TMEM108: variants seen among roughly 807,000 people sequenced by gnomAD.
The protein encoded by TMEM108 is cancer/testis antigen 124.
A neutral mutation model predicts 35.1 loss-of-function variants in TMEM108; 12 were observed. That is an observed-to-expected ratio of 0.34 (90% CI 0.22 to 0.55). TMEM108 has a LOEUF of 0.55. Ranked by LOEUF, TMEM108 falls within the 20% of genes least tolerant of loss-of-function variation. The probability of loss-of-function intolerance (pLI) is 0.89; values close to 1 mark genes in which losing one functional copy is unlikely to be tolerated. For missense variants in TMEM108, 680 were observed against 753.3 expected, an observed-to-expected ratio of 0.90 and a Z score of 1.14; for synonymous variants, 287 against 308.6, an observed-to-expected ratio of 0.93 and a Z score of 0.73.
intron 3 of TMEM108, among the ~76,000 whole-genome samples, chr3:133,281,940 G>A (rs1486392031): frequency 6.6e-6 from 1 of 152,206 alleles, no homozygotes; most frequent in Admixed American, 6.5e-5. Context: ...GGCGGATCAT[G>A]AGGTCAGGAG....
At chr3:133,296,748 A>G (rs898754662) in intron 3 of TMEM108, among the ~76,000 whole-genome samples, 4 of 152,188 alleles carry the variant, frequency 2.6e-5, no homozygotes, top group African/African-American at 7.2e-5. Context: ...GAGAGCTGGC[A>G]TAGAAGGATT....
At chr3:133,203,119 T>G (rs1005346295) in intron 2 of TMEM108, among the ~76,000 whole-genome samples, 6 of 152,224 alleles carry the variant, frequency 3.9e-5, no homozygotes, top group African/African-American at 1.2e-4. Flanking sequence ...ATAGGAATGC[T>G]TGTGATTTTT....
At chr3:133,094,586 C>T (rs1219498573) in intron 2 of TMEM108, among the ~76,000 whole-genome samples, 1 of 152,174 alleles carries the variant, frequency 6.6e-6, no homozygotes, top group African/African-American at 2.4e-5. Context: ...CATTTGTTCT[C>T]GCTCCCTCCA....
intron 3 of TMEM108, among the ~76,000 whole-genome samples, chr3:133,264,412 G>T (rs553652729): frequency 6.6e-6 from 1 of 152,156 alleles, no homozygotes; most frequent in Non-Finnish European, 1.5e-5. Flanking sequence ...TCATGAGCAG[G>T]AGCCACATTT....
At chr3:133,059,629 G>A (rs562353091) in intron 2 of TMEM108, among the ~76,000 whole-genome samples, 16 of 152,316 alleles carry the variant, frequency 1.1e-4, no homozygotes, top group African/African-American at 2.2e-4. Flanking sequence ...GAGTTAGGTC[G>A]CCTCTCTGTA....
At chr3:133,127,944 A>G (rs1300567415) in intron 2 of TMEM108, among the ~76,000 whole-genome samples, 1 of 152,192 alleles carries the variant, frequency 6.6e-6, no homozygotes, top group African/African-American at 2.4e-5. Context: ...TCACCTAGGT[A>G]GGTATCTTGC....
chr3:133,231,026 C>T (rs1474549521), intron 3 of TMEM108, among the ~76,000 whole-genome samples: 1 of 152,128 alleles, frequency 6.6e-6, no homozygotes. Context: ...CACTAAACCA[C>T]CCTGATTACT....
chr3:133,095,804 C>G (rs117286285), intron 2 of TMEM108, among the ~76,000 whole-genome samples: 1 of 152,108 alleles, frequency 6.6e-6, no homozygotes, highest in African/African-American at 2.4e-5. Flanking sequence ...TTTGCTTGTT[C>G]GCTCACCCGA....
At chr3:133,375,041 A>G (rs1435164587) in intron 3 of TMEM108, among the ~76,000 whole-genome samples, 3 of 152,230 alleles carry the variant, frequency 2.0e-5, no homozygotes, top group South Asian at 2.1e-4. Context: ...CTTTTCCTCA[A>G]TTGCAACAGG....
At chr3:133,315,302 C>T (rs573416502) in intron 3 of TMEM108, among the ~76,000 whole-genome samples, 1 of 152,348 alleles carries the variant, frequency 6.6e-6, no homozygotes, top group South Asian at 2.1e-4. Context: ...AGAGAAGCCG[C>T]TCAGAGCTTT....
intron 2 of TMEM108, among the ~76,000 whole-genome samples, chr3:133,215,347 C>T (rs186244796): frequency 2.2e-5 from 3 of 139,234 alleles, no homozygotes; most frequent in East Asian, 2.1e-4. Flanking sequence ...AAATCACCAA[C>T]ACAAAAGCAT....
At chr3:133,335,192 G>T (rs1452975402) in intron 3 of TMEM108, among the ~76,000 whole-genome samples, 1 of 152,118 alleles carries the variant, frequency 6.6e-6, no homozygotes, top group Admixed American at 6.5e-5. Flanking sequence ...AAATGTAAAT[G>T]AATTAAAGTC....
chr3:133,065,816 T>C (rs1943600010), intron 2 of TMEM108, among the ~76,000 whole-genome samples: 1 of 152,206 alleles, frequency 6.6e-6, no homozygotes, highest in Non-Finnish European at 1.5e-5. Context: ...AGGCTTAAAA[T>C]GGGTGGGACC....
intron 3 of TMEM108, among the ~76,000 whole-genome samples, chr3:133,274,217 G>C (rs1313443772): frequency 6.6e-6 from 1 of 152,204 alleles, no homozygotes; most frequent in Non-Finnish European, 1.5e-5. Context: ...GGTTATTCCA[G>C]TATGCTGAGG....
intron 2 of TMEM108, among the ~76,000 whole-genome samples, chr3:133,160,155 C>T (rs1054226228): frequency 3.3e-5 from 5 of 152,230 alleles, no homozygotes; most frequent in African/African-American, 1.2e-4. Flanking sequence ...GGTAGGCAGG[C>T]TTCCTTTAGG....
intron 2 of TMEM108, among the ~76,000 whole-genome samples, chr3:133,107,415 G>A (rs143467155): frequency 5.5e-4 from 83 of 151,626 alleles, no homozygotes; most frequent in African/African-American, 1.9e-3. Context: ...AGAGTATGCC[G>A]AGGCAAATCT....
intron 3 of TMEM108, among the ~76,000 whole-genome samples, chr3:133,275,763 C>T (rs74982926): frequency 1.3e-5 from 2 of 151,952 alleles, no homozygotes; most frequent in East Asian, 1.9e-4. Flanking sequence ...TAAAGAAAGA[C>T]AATAAATAGC....
intron 2 of TMEM108, among the ~76,000 whole-genome samples, chr3:133,210,457 C>T (rs1220724650): frequency 6.6e-6 from 1 of 152,158 alleles, no homozygotes; most frequent in Non-Finnish European, 1.5e-5. Context: ...TTTAAAATTT[C>T]TCCATCCCAT....
chr3:133,107,771 G>A (rs975942260), intron 2 of TMEM108, among the ~76,000 whole-genome samples: 10 of 152,148 alleles, frequency 6.6e-5, no homozygotes, highest in South Asian at 4.1e-4. Flanking sequence ...TCACTGAACC[G>A]CTATAGCCTC....
Sources: gnomAD v4.1 joint callset for allele counts (sites outside exome capture counted in the v4.1 genomes callset) on GRCh38, gnomAD v4.1.1 for gene constraint, MANE v1.5 for transcripts, NCBI Gene and HGNC (gene_info 2026-07-23, HGNC 2026-07-21) for gene names.